Variants in CDH12 observed in about 807,000 individuals in gnomAD.
CDH12 encodes the protein cadherin-12.
A neutral mutation model predicts 74.1 loss-of-function variants in CDH12; 41 were observed. That is an observed-to-expected ratio of 0.55 (90% CI 0.43 to 0.72). The LOEUF (loss-of-function observed/expected upper bound fraction) is 0.72. Ranked by LOEUF, CDH12 falls within the 30% of genes least tolerant of loss-of-function variation. CDH12 has a pLI of 0.00. For synonymous variants in CDH12, 399 were observed against 355.0 expected, an observed-to-expected ratio of 1.12 and a Z score of -1.39; for missense variants, 945 against 977.2, an observed-to-expected ratio of 0.97 and a Z score of 0.44.
At chr5:21,809,926 G>A (rs1339585147) in intron 9 of CDH12, among the ~76,000 whole-genome samples, 1 of 152,070 alleles carries the variant, frequency 6.6e-6, no homozygotes, top group Non-Finnish European at 1.5e-5. Flanking sequence ...AACTTTGCCT[G>A]AGGGACTCTA....
intron 4 of CDH12, among the ~76,000 whole-genome samples, chr5:22,153,469 C>G (rs1219716297): frequency 6.6e-6 from 1 of 151,676 alleles, no homozygotes; most frequent in Non-Finnish European, 1.5e-5. Context: ...CTCTGAGGCT[C>G]TATGAAACCC....
chr5:22,129,264 A>G (rs1298194405), intron 4 of CDH12, among the ~76,000 whole-genome samples: 2 of 152,338 alleles, frequency 1.3e-5, no homozygotes, highest in African/African-American at 2.4e-5. Context: ...CTGAGTTTCC[A>G]TATCTTCATC....
intron 1 of CDH12, among the ~76,000 whole-genome samples, chr5:22,808,034 A>G (rs1050200647): frequency 1.3e-5 from 2 of 152,238 alleles, no homozygotes; most frequent in Non-Finnish European, 2.9e-5. Context: ...ATCTTATGGG[A>G]CCACTGTCCT....
At chr5:22,492,536 A>G (rs533145) in intron 2 of CDH12, among the ~76,000 whole-genome samples, 151,765 of 151,910 alleles carry the variant, frequency 1, 75,812 homozygotes, top group Middle Eastern at 1. Flanking sequence ...TAGTAGAGAC[A>G]GGGTTTCATC....
intron 8 of CDH12, among the ~76,000 whole-genome samples, chr5:21,821,197 G>T (rs572938654): frequency 2.2e-4 from 34 of 151,770 alleles, no homozygotes; most frequent in African/African-American, 7.5e-4. Context: ...CGGGGAGAGT[G>T]GGGACAGGTA....
chr5:22,726,424 T>C (rs1380801813), intron 1 of CDH12, among the ~76,000 whole-genome samples: 1 of 151,818 alleles, frequency 6.6e-6, no homozygotes, highest in Non-Finnish European at 1.5e-5. Flanking sequence ...GATGTATTTT[T>C]ATCTATTCAT....
At chr5:22,386,218 C>T (rs1741993212) in intron 3 of CDH12, among the ~76,000 whole-genome samples, 1 of 152,202 alleles carries the variant, frequency 6.6e-6, no homozygotes, top group East Asian at 1.9e-4. Context: ...ACAACCAGAT[C>T]TTGTGAGACC....
intron 1 of CDH12, among the ~76,000 whole-genome samples, chr5:22,823,118 C>T (rs13186736): frequency 0.35 from 53,429 of 151,030 alleles, 10,322 homozygotes; most frequent in Admixed American, 0.45. Flanking sequence ...TCATTCTCAG[C>T]AAACTATCGC....
chr5:22,691,232 G>A (rs1008370360), intron 1 of CDH12, among the ~76,000 whole-genome samples: 2 of 152,006 alleles, frequency 1.3e-5, no homozygotes, highest in African/African-American at 4.8e-5. Context: ...GCTTCAATTG[G>A]GCATTCCTTA....
intron 2 of CDH12, among the ~76,000 whole-genome samples, chr5:22,492,829 A>G (rs1281650886): frequency 6.6e-6 from 1 of 151,970 alleles, no homozygotes; most frequent in Admixed American, 6.6e-5. Context: ...TGCTCTCCTG[A>G]GGTCACCAAT....
intron 1 of CDH12, among the ~76,000 whole-genome samples, chr5:22,530,310 C>T (rs1737530103): frequency 6.6e-6 from 1 of 151,972 alleles, no homozygotes; most frequent in East Asian, 1.9e-4. Context: ...ATTTAACATC[C>T]ACATTAATCT....
intron 6 of CDH12, among the ~76,000 whole-genome samples, chr5:21,973,488 C>T (rs1392852804): frequency 1.3e-5 from 2 of 152,156 alleles, no homozygotes; most frequent in African/African-American, 2.4e-5. Flanking sequence ...AAACTCCTTA[C>T]ACGAAGGCTC....
chr5:22,599,948 C>G (rs965649016), intron 1 of CDH12, among the ~76,000 whole-genome samples: 1 of 152,172 alleles, frequency 6.6e-6, no homozygotes, highest in Non-Finnish European at 1.5e-5. Flanking sequence ...CAGCCACATA[C>G]TGCATGTTTG....
chr5:22,821,970 G>C lies in CDH12; in HGVS notation c.-523+31088C>G, dbSNP rs539664339. Among the ~76,000 whole-genome samples the C allele has an allele frequency of 8.8e-3, 1,340 of 152,200 alleles. 29 individuals carry two copies. Among genetic ancestry groups the C allele is most frequent in the African/African-American group, 0.031 (1,282 of 41,508 alleles). On this transcript the variant is annotated intron_variant, in intron 1 of 14. Coordinates refer to ENST00000382254, the MANE Select transcript of CDH12 (RefSeq NM_004061.5). ...CAAAGCTGGAGGCATCACGCTACCT[G>C]ACTTCAAACTATACTACAAGGCTAC... is the stretch of plus-strand genomic sequence containing the variant.
chr5:22,115,925 T>C (rs1745071980), intron 4 of CDH12, among the ~76,000 whole-genome samples: 1 of 151,980 alleles, frequency 6.6e-6, no homozygotes, highest in Non-Finnish European at 1.5e-5. Context: ...CTCTTGACCT[T>C]GTGATCCGCC....
At chr5:21,808,329 T>G (rs1747550867) in intron 9 of CDH12, among the ~76,000 whole-genome samples, 1 of 152,074 alleles carries the variant, frequency 6.6e-6, no homozygotes, top group Non-Finnish European at 1.5e-5. Flanking sequence ...TGTCCCTTTT[T>G]ACTTTTTACT....
chr5:22,575,169 GTGTGTGGTGTGCT>G (rs903725794), intron 1 of CDH12, among the ~76,000 whole-genome samples: 14 of 152,150 alleles, frequency 9.2e-5, no homozygotes, highest in African/African-American at 3.4e-4. Context: ...CCCTCACCCA[GTGTGTGGTGTGCT>G]TGTGTGGACT....
intron 1 of CDH12, among the ~76,000 whole-genome samples, chr5:22,795,928 G>A (rs1748179005): frequency 6.6e-6 from 1 of 151,998 alleles, no homozygotes. Flanking sequence ...AATGGATAAG[G>A]ATAACATATA....
At chr5:22,688,288 C>T (rs572336891) in intron 1 of CDH12, among the ~76,000 whole-genome samples, 1 of 151,992 alleles carries the variant, frequency 6.6e-6, no homozygotes, top group Non-Finnish European at 1.5e-5. Context: ...AGAATAAAAT[C>T]GTTATTTGCC....
Sources: gnomAD v4.1 joint callset for allele counts (sites outside exome capture counted in the v4.1 genomes callset) on GRCh38, gnomAD v4.1.1 for gene constraint, MANE v1.5 for transcripts, NCBI Gene and HGNC (gene_info 2026-07-23, HGNC 2026-07-21) for gene names.